Variants in PDK2 observed in about 807,000 individuals in gnomAD.
PDK2 encodes the protein pyruvate dehydrogenase kinase 2.
PDK2 carries 34 observed loss-of-function variants against 50.4 expected under a neutral mutation model. The ratio of observed to expected loss-of-function variants is 0.68; its 90% CI spans 0.51 to 0.90. The LOEUF (loss-of-function observed/expected upper bound fraction) is 0.90. Ranked by LOEUF, PDK2 falls within the 40% of genes least tolerant of loss-of-function variation. PDK2 has a pLI of 0.00. For synonymous variants in PDK2, 232 were observed against 216.0 expected (o/e 1.07, Z -0.65); for missense variants, 377 against 544.5 (o/e 0.69, Z 3.06).
At chr17:50,106,392 A>C (rs960391703) in intron 4 of PDK2, 73 of 478,140 alleles carry the variant, frequency 1.5e-4, no homozygotes, top group Non-Finnish European at 2.3e-4. Flanking sequence ...AGAGTTTCTT[A>C]TTCCAGGAGG....
At chr17:50,107,045 C>G (rs1441040625) in intron 5 of PDK2, 31 bp from the exon 6 acceptor site, 1 of 1,599,422 alleles carries the variant, frequency 6.3e-7, no homozygotes, top group Non-Finnish European at 8.6e-7. Flanking sequence ...GGTGGGCCAC[C>G]CATGCCCTGA....
In PDK2 at chr17:50,110,037, C is replaced by T. The variant is rs755178446; in HGVS notation, c.1164C>T (p.Ala388=). ...GCCACTACCAGACCATCCAGGAGGC[C>T]GGCGACTGGTGTGTGCCCAGCACGG... is the stretch of plus-strand genomic sequence containing the variant. ...AWRHYQTIQE[A]GDWCVPSTEP... The change falls in exon 11 of 11, where the codon GCC becomes GCT. Residue 388 remains alanine (A), a synonymous_variant. Coordinates refer to ENST00000503176, the MANE Select transcript of PDK2 (RefSeq NM_002611.5). The T allele has an allele frequency of 1.3e-5, 21 of 1,610,320 alleles. No individual in the cohort carries two copies. The highest frequency in any genetic ancestry group is 1.4e-5 in the Non-Finnish European group (17 of 1,178,670).
At chr17:50,098,173 C>G (rs1020316419) in intron 2 of PDK2, among the ~76,000 whole-genome samples, 1 of 152,210 alleles carries the variant, frequency 6.6e-6, no homozygotes, top group African/African-American at 2.4e-5. Flanking sequence ...ATGAAATTAG[C>G]CAAAGGCCAG....
chr17:50,102,363 A>G (rs994054219), intron 2 of PDK2, among the ~76,000 whole-genome samples: 6 of 152,094 alleles, frequency 3.9e-5, no homozygotes, highest in African/African-American at 1.4e-4. Flanking sequence ...CCTGCCCTCT[A>G]GGGTTGTTGA....
Position 50,109,981 on chromosome 17 carries a change from C to A in PDK2, c.1108C>A (p.Arg370Ser). ...LKALSTDSVE[R>S]LPVYNKSAWR... ...GGCCCTGTCCACGGACTCGGTGGAGCGCCTGCCTGTCTACAACAAGTCAGC... is the reference window on the plus strand; with the variant it reads ...GGCCCTGTCCACGGACTCGGTGGAGAGCCTGCCTGTCTACAACAAGTCAGC... Residue 370 changes from arginine to serine, a missense_variant, in exon 11 of 11, where the codon CGC (arginine) becomes AGC (serine). By Grantham distance (110) the Arg-to-Ser change is moderately radical (BLOSUM62 -1). Transcript: ENST00000503176. The surrounding 1 kb of genome is among the most constrained non-coding windows in gnomAD (Gnocchi z 5.0). The A allele has an allele frequency of 6.3e-7, 1 of 1,581,750 alleles. No individual in the cohort carries two copies. The highest frequency in any genetic ancestry group is 1.2e-5 in the South Asian group (1 of 86,484).
At chr17:50,104,707 C>G (rs1054512755) in intron 2 of PDK2, among the ~76,000 whole-genome samples, 2 of 152,250 alleles carry the variant, frequency 1.3e-5, no homozygotes, top group Non-Finnish European at 2.9e-5. Flanking sequence ...TCTCTGGACT[C>G]TCCATGGGCC....
At chr17:50,095,152 G>A (rs1024199948), upstream of PDK2, 9 of 369,446 alleles carry the variant, frequency 2.4e-5, no homozygotes, top group East Asian at 4.3e-4. Flanking sequence ...GTGGGAACTC[G>A]GCGCGGCCTC....
intron 1 of PDK2, 121 bp downstream of exon 1, chr17:50,095,674 A>G: frequency 1.4e-6 from 2 of 1,480,670 alleles, no homozygotes; most frequent in East Asian, 2.5e-5. Flanking sequence ...GTTGTTTGGA[A>G]AGGTACAGGC....
Position 50,109,718 on chromosome 17 carries a change from G to A in PDK2, c.1084-239G>A, listed in dbSNP as rs898704968. 5.3e-5 allele frequency among the ~76,000 whole-genome samples: 8 copies of A among 152,090 alleles called. No homozygotes were observed. The East Asian group carries it at 5.8e-4, about 11-fold the overall frequency. On this transcript the variant is annotated intron_variant, in intron 10 of 10. Transcript: ENST00000503176. The surrounding 1 kb of genome is among the most constrained non-coding windows in gnomAD (Gnocchi z 5.0). Reference sequence around the variant, plus strand: ...AGTTCAGAGGAGAAGACTGAGGCCCGGAGTCCGTGACTTGCTCAGGGTCAC... The same window carrying A: ...AGTTCAGAGGAGAAGACTGAGGCCCAGAGTCCGTGACTTGCTCAGGGTCAC...
At chr17:50,107,523 G>A (rs950590952) in intron 6 of PDK2, among the ~76,000 whole-genome samples, 8 of 152,204 alleles carry the variant, frequency 5.3e-5, no homozygotes, top group African/African-American at 1.4e-4. Flanking sequence ...TGAGACTGCC[G>A]TGAGCTGAGA....
In PDK2 at chr17:50,109,393, ATCTC is replaced by A; in HGVS notation, c.1077_1080del (p.Tyr359Ter). 1 of 1,605,200 alleles carries A rather than the reference ATCTC, an allele frequency of 6.2e-7. No homozygotes were observed. The highest frequency in any genetic ancestry group is 1.3e-5 in the African/African-American group (1 of 74,806). ...GGCTTTGGGACCGATGCTGTCATCT[ATCTC>A]AAGGTGAGGGCCCTTCCCGCAGAGC... is the stretch of plus-strand genomic sequence containing the variant. On this transcript the variant is annotated frameshift_variant, in exon 10 of 11. Transcript: ENST00000503176. LOFTEE classifies it high-confidence loss of function. The surrounding 1 kb of genome is among the most constrained non-coding windows in gnomAD (Gnocchi z 5.0).
intron 2 of PDK2, among the ~76,000 whole-genome samples, chr17:50,099,774 C>T (rs1286734829): frequency 6.6e-6 from 1 of 152,264 alleles, no homozygotes; most frequent in East Asian, 1.9e-4. Flanking sequence ...GCCTGGGCGA[C>T]AGAGCGAGAC....
intron 2 of PDK2, among the ~76,000 whole-genome samples, chr17:50,100,345 C>T (rs185437225): frequency 3.3e-5 from 5 of 152,172 alleles, no homozygotes; most frequent in East Asian, 1.9e-4. Flanking sequence ...GGAGACTGGA[C>T]GGGGAGGGAA....
intron 1 of PDK2, chr17:50,096,140 G>C: frequency 2.0e-5 from 20 of 985,724 alleles, no homozygotes; most frequent in Non-Finnish European, 2.4e-5. Context: ...AGAAGGAGCT[G>C]GACCCTAGCT....
intron 1 of PDK2, 68 bp from the exon 2 acceptor site, chr17:50,097,355 C>G (rs1289563997): frequency 1.3e-6 from 2 of 1,547,026 alleles, no homozygotes; most frequent in Non-Finnish European, 1.8e-6. Flanking sequence ...GTTTAGCTGA[C>G]CTGGCCGAGA....
intron 8 of PDK2, 79 bp from the exon 9 acceptor site, chr17:50,108,532 AC>A: frequency 7.3e-7 from 1 of 1,362,520 alleles, no homozygotes; most frequent in Non-Finnish European, 1.0e-6. Flanking sequence ...GGTGGGGAAG[AC>A]CATGAGAAGG....
In PDK2 at chr17:50,108,664, GCTACATGTACT is replaced by G; in HGVS notation, c.916_926del (p.Tyr306HisfsTer257). On this transcript the variant is annotated frameshift_variant, in exon 9 of 11. Coordinates refer to ENST00000503176, the MANE Select transcript of PDK2 (RefSeq NM_002611.5). LOFTEE classifies it high-confidence loss of function. ...TTGAGGAAGATTGAGCGACTCTTCA[GCTACATGTACT>G]CCACAGCACCCACCCCCCAGCCTGG... 1 of 1,613,346 alleles carries G rather than the reference GCTACATGTACT, an allele frequency of 6.2e-7. No homozygotes were observed. The highest frequency in any genetic ancestry group is 8.5e-7 in the Non-Finnish European group (1 of 1,179,776).
At chr17:50,102,600 T>C (rs936989979) in intron 2 of PDK2, among the ~76,000 whole-genome samples, 15 of 152,212 alleles carry the variant, frequency 9.9e-5, no homozygotes, top group Non-Finnish European at 2.1e-4. Flanking sequence ...GCACTGCCTG[T>C]GTGCGGGCCC....
At chr17:50,095,718 G>T in intron 1 of PDK2, 165 bp downstream of exon 1, 1 of 1,430,066 alleles carries the variant, frequency 7.0e-7, no homozygotes, top group East Asian at 2.6e-5. Flanking sequence ...GGAACCGGCC[G>T]GGGCCTCTCG....
Sources: allele counts gnomAD v4.1 joint callset (sites outside exome capture counted in the v4.1 genomes callset), GRCh38; gene constraint gnomAD v4.1.1; non-coding constraint Gnocchi (gnomAD v3.1); transcripts MANE v1.5; gene names NCBI Gene and HGNC (gene_info 2026-07-23, HGNC 2026-07-21).